NVL: variants seen among roughly 807,000 people sequenced by gnomAD.
NVL encodes nuclear VCP like.
Under a neutral mutation model 110.2 loss-of-function variants are expected in NVL, and 84 were observed. That is an observed-to-expected ratio of 0.76 (90% CI 0.64 to 0.91). The LOEUF (loss-of-function observed/expected upper bound fraction) is 0.91. Ranked by LOEUF, NVL falls within the 40% of genes least tolerant of loss-of-function variation. NVL has a pLI of 0.00. For missense variants in NVL, 882 were observed against 1,035.9 expected (o/e 0.85, Z 2.04); for synonymous variants, 354 against 361.1 (o/e 0.98, Z 0.22).
At chr1:224,244,166 G>A (rs1237172929) in intron 19 of NVL, among the ~76,000 whole-genome samples, 5 of 150,910 alleles carry the variant, frequency 3.3e-5, no homozygotes, top group African/African-American at 7.3e-5. Context: ...TCGGGAGTTC[G>A]AGACCAGCCT....
intron 11 of NVL, among the ~76,000 whole-genome samples, chr1:224,296,110 G>A (rs1667863020): frequency 6.6e-6 from 1 of 151,988 alleles, no homozygotes; most frequent in African/African-American, 2.4e-5. Flanking sequence ...CAGCCTGGGT[G>A]ACAGAGCAAC....
At chr1:224,323,766 G>T (rs1008446059) in intron 2 of NVL, among the ~76,000 whole-genome samples, 4 of 152,190 alleles carry the variant, frequency 2.6e-5, no homozygotes, top group African/African-American at 9.7e-5. Context: ...TAGGTAACAG[G>T]GCAGGATCAC....
At chr1:224,297,941 G>A (rs999570484) in intron 10 of NVL, among the ~76,000 whole-genome samples, 3 of 152,058 alleles carry the variant, frequency 2.0e-5, no homozygotes, top group East Asian at 1.9e-4. Flanking sequence ...CCAGCTACTC[G>A]GGAGGCTGAG....
chr1:224,227,739 A>G (rs992971039), intron 22 of NVL, 69 bp from the exon 23 acceptor site: 12 of 1,482,306 alleles, frequency 8.1e-6, no homozygotes, highest in East Asian at 7.0e-5. Context: ...GTGCCCCCCA[A>G]AATTCACATG....
At chr1:224,236,617 C>G in intron 19 of NVL, 35 bp from the exon 20 acceptor site, 2 of 1,547,842 alleles carry the variant, frequency 1.3e-6, no homozygotes, top group Non-Finnish European at 1.8e-6. Context: ...TTCATTGGAG[C>G]TTTAAAGACC....
Position 224,269,798 on chromosome 1 carries a change from G to C in NVL, c.2083-1665C>G, listed in dbSNP as rs556623998. ...GGGTCTTGTTCTGTCACCCAGGCTG[G>C]AAGTACAGTGGTGAGATCTCAGCTT... On this transcript the variant is annotated intron_variant, in intron 17 of 22. Coordinates refer to ENST00000281701, the MANE Select transcript of NVL (RefSeq NM_002533.4). The C allele has an allele frequency of 4.0e-5, 6 of 151,032 alleles. No homozygotes were observed. In the South Asian group the frequency reaches 1.3e-3, roughly 32 times the overall value. The allele number at this position is 151,032 out of a possible 1,614,324, so 9.4% of individuals were successfully genotyped here.
intron 18 of NVL, among the ~76,000 whole-genome samples, chr1:224,254,563 G>GTTTT (rs71572893): frequency 9.5e-4 from 35 of 36,700 alleles, no homozygotes; most frequent in African/African-American, 1.9e-3. Flanking sequence ...CGGCTAATTT[G>GTTTT]TTTTTTTTGT....
chr1:224,296,955 A>G (rs1017681468), intron 10 of NVL, among the ~76,000 whole-genome samples: 1 of 152,214 alleles, frequency 6.6e-6, no homozygotes, highest in Non-Finnish European at 1.5e-5. Context: ...GGATAAGCAT[A>G]TGCACAGAAA....
At chr1:224,231,148 G>C (rs1050658028) in intron 22 of NVL, 78 bp downstream of exon 22, 2 of 866,956 alleles carry the variant, frequency 2.3e-6, no homozygotes, top group East Asian at 2.6e-5. Flanking sequence ...AAAAAAAAAA[G>C]AGTTTAATTC....
intron 2 of NVL, among the ~76,000 whole-genome samples, chr1:224,322,278 C>G (rs1189178158): frequency 1.4e-5 from 2 of 138,332 alleles, no homozygotes; most frequent in Non-Finnish European, 3.1e-5. Context: ...GAGACAGAAT[C>G]TTGCTATGTT....
At chr1:224,236,777 G>A (rs1660535158) in intron 19 of NVL, 195 bp from the exon 20 acceptor site, 3 of 464,400 alleles carry the variant, frequency 6.5e-6, no homozygotes, top group Non-Finnish European at 1.2e-5. Context: ...TGGGCGTTAT[G>A]GTATGCACCT....
At chr1:224,265,086 T>G (rs939722406) in intron 18 of NVL, among the ~76,000 whole-genome samples, 2 of 152,006 alleles carry the variant, frequency 1.3e-5, no homozygotes, top group Non-Finnish European at 2.9e-5. Flanking sequence ...TGCAACAGAT[T>G]TGTTACAGGG....
chr1:224,238,981 A>G (rs1660847213), intron 19 of NVL, among the ~76,000 whole-genome samples: 1 of 152,096 alleles, frequency 6.6e-6, no homozygotes, highest in South Asian at 2.1e-4. Flanking sequence ...CTAACTCCCC[A>G]TTCTTCCTGC....
chr1:224,294,234 G>A (rs761656561), intron 12 of NVL, 33 bp downstream of exon 12: 1 of 1,610,130 alleles, frequency 6.2e-7, no homozygotes, highest in Non-Finnish European at 8.5e-7. Context: ...AGATGACTTA[G>A]TGGCATACAA....
At chr1:224,254,983 T>C (rs1430239832) in intron 18 of NVL, among the ~76,000 whole-genome samples, 1 of 149,980 alleles carries the variant, frequency 6.7e-6, no homozygotes, top group African/African-American at 2.4e-5. Flanking sequence ...GCGATTCTCC[T>C]GCCTCAGCCT....
intron 18 of NVL, among the ~76,000 whole-genome samples, chr1:224,253,809 T>A (rs1477044851): frequency 6.6e-6 from 1 of 150,894 alleles, no homozygotes; most frequent in Non-Finnish European, 1.5e-5. Context: ...TACATTCCCA[T>A]CATCAGTGCA....
In NVL at chr1:224,256,412, G is replaced by A. The variant is rs929655410; in HGVS notation, c.2183-6094C>T. Reference sequence around the variant, plus strand: ...TGCACTCCAGCCTGGGCAACAGGGTGAGGCTCCATCTAAAAAAAAAAAAAA... The same window carrying A: ...TGCACTCCAGCCTGGGCAACAGGGTAAGGCTCCATCTAAAAAAAAAAAAAA... On this transcript the variant is annotated intron_variant, in intron 18 of 22. Transcript: ENST00000281701. Among the ~76,000 whole-genome samples the A allele has an allele frequency of 8.2e-5, 10 of 122,678 alleles. No homozygotes were observed. In the Admixed American group the frequency reaches 9.8e-4, roughly 12 times the overall value. 80.5% of individuals were successfully genotyped at this position (122,678 alleles called of 152,430 possible). A position where few individuals can be genotyped will look rare whatever the true frequency, so the allele number is the denominator to read the frequency against.
intron 2 of NVL, among the ~76,000 whole-genome samples, chr1:224,320,377 T>C (rs1009986089): frequency 3.9e-4 from 59 of 152,346 alleles, no homozygotes; most frequent in African/African-American, 1.4e-3. Flanking sequence ...GCCAGCGCAG[T>C]GGCTCACACT....
chr1:224,329,469 G>A (rs1312552789), intron 1 of NVL, among the ~76,000 whole-genome samples: 1 of 152,106 alleles, frequency 6.6e-6, no homozygotes, highest in Non-Finnish European at 1.5e-5. Flanking sequence ...GAAAAACAAG[G>A]AGAATGTGTA....
Sources: gnomAD v4.1 joint callset for allele counts (sites outside exome capture counted in the v4.1 genomes callset) on GRCh38, gnomAD v4.1.1 for gene constraint, MANE v1.5 for transcripts, NCBI Gene and HGNC (gene_info 2026-07-23, HGNC 2026-07-21) for gene names.